The following FBXO34 variants were observed in gnomAD, a reference collection of about 807,000 sequenced individuals.
The protein encoded by FBXO34 is F-box protein 34.
Under a neutral mutation model 24.5 loss-of-function variants are expected in FBXO34, and 12 were observed. The observed-to-expected ratio is 0.49, with a 90% CI of 0.31 to 0.79. FBXO34 has a LOEUF of 0.79. FBXO34 is among the 30% of genes least tolerant of loss of function. The probability of loss-of-function intolerance (pLI) is 0.04; values close to 1 mark genes in which losing one functional copy is unlikely to be tolerated. For synonymous variants in FBXO34, 320 were observed against 311.9 expected, an observed-to-expected ratio of 1.03 and a Z score of -0.27; for missense variants, 823 against 857.7, an observed-to-expected ratio of 0.96 and a Z score of 0.51.
At chr14:55,395,973 T>G in the FBXO34 span, 1 of 1,589,966 alleles carries the variant, frequency 6.3e-7, no homozygotes. Context: ...CTTCCATAGC[T>G]TTTAACACTC....
the FBXO34 span, among the ~76,000 whole-genome samples, chr14:55,388,687 C>A: frequency 2.0e-5 from 3 of 152,190 alleles, no homozygotes; most frequent in Non-Finnish European, 4.4e-5. Context: ...TGTCATAATT[C>A]AACAACAACA....
At chr14:55,335,460 C>G (rs1316801280) in intron 1 of FBXO34, 1 of 152,070 alleles carries the variant, frequency 6.6e-6, no homozygotes, top group Non-Finnish European at 1.5e-5. Flanking sequence ...TGATCTGTGA[C>G]TTATATTTCT....
intron 1 of FBXO34, among the ~76,000 whole-genome samples, chr14:55,340,016 G>A (rs951291830): frequency 2.6e-5 from 4 of 152,166 alleles, no homozygotes; most frequent in African/African-American, 7.2e-5. Flanking sequence ...GCTGACAGAA[G>A]TCTTAACTTG....
intron 1 of FBXO34, among the ~76,000 whole-genome samples, chr14:55,340,475 G>A (rs1883956288): frequency 6.7e-6 from 1 of 148,280 alleles, no homozygotes; most frequent in African/African-American, 2.5e-5. Flanking sequence ...TCGAACTTTT[G>A]TGCTCAAGTG....
intron 1 of FBXO34, among the ~76,000 whole-genome samples, chr14:55,340,217 A>C (rs886833571): frequency 6.6e-6 from 1 of 151,956 alleles, no homozygotes; most frequent in African/African-American, 2.4e-5. Context: ...TGCTTGGTGC[A>C]CTAATACTTG....
chr14:55,437,004 T>C, the FBXO34 span: 23 of 1,613,992 alleles, frequency 1.4e-5, no homozygotes, highest in African/African-American at 2.9e-4. Context: ...GAGACCTGGG[T>C]GGGGCAAGGC....
rs1051860151 is a variant in FBXO34, at chr14:55,346,722, G to A, written c.-10-3659G>A. ...AGCTGGTGGTTGAAGAGGGAATTTGGCAATAAAAAGGCCATTTGACCTTCA... is the reference window on the plus strand; with the variant it reads ...AGCTGGTGGTTGAAGAGGGAATTTGACAATAAAAAGGCCATTTGACCTTCA... On this transcript the variant is annotated intron_variant, in intron 1 of 1. Transcript: ENST00000313833. Among the ~76,000 whole-genome samples, 7 of 152,100 alleles carry A rather than the reference G, an allele frequency of 4.6e-5. 1 individual carries two copies. The highest frequency in any genetic ancestry group is 1.7e-4 in the African/African-American group (7 of 41,410).
intron 1 of FBXO34, among the ~76,000 whole-genome samples, chr14:55,285,994 G>A (rs1436663081): frequency 6.6e-6 from 1 of 152,136 alleles, no homozygotes. Flanking sequence ...GTCAAAATTC[G>A]TTAGAATTGA....
chr14:55,330,937 T>C (rs1883512497), intron 1 of FBXO34, among the ~76,000 whole-genome samples: 1 of 152,244 alleles, frequency 6.6e-6, no homozygotes. Context: ...TGTTCACTTC[T>C]GTATCCCCAG....
At chr14:55,369,529 C>A, downstream of FBXO34, 1 of 1,221,950 alleles carries the variant, frequency 8.2e-7, no homozygotes, top group Non-Finnish European at 1.1e-6. Flanking sequence ...GTTCCAGACA[C>A]TATCTTAACT....
intron 1 of FBXO34, among the ~76,000 whole-genome samples, chr14:55,313,050 A>T (rs1163707997): frequency 2.0e-5 from 3 of 152,152 alleles, no homozygotes; most frequent in Non-Finnish European, 4.4e-5. Flanking sequence ...TCCTTTTTAA[A>T]CTTAAGTTCC....
the FBXO34 span, chr14:55,390,812 C>T: frequency 1.3e-6 from 1 of 794,942 alleles, no homozygotes; most frequent in Admixed American, 3.0e-5. Context: ...GCCACTGCCC[C>T]ACCATCCCCT....
intron 1 of FBXO34, among the ~76,000 whole-genome samples, chr14:55,338,366 T>G (rs1187280482): frequency 6.6e-6 from 1 of 151,978 alleles, no homozygotes; most frequent in Non-Finnish European, 1.5e-5. Context: ...ACTTCTTTTA[T>G]GGGTATTGTG....
chr14:55,371,609 A>ATC (rs1289841839), downstream of FBXO34, among the ~76,000 whole-genome samples: 3 of 151,988 alleles, frequency 2.0e-5, no homozygotes, highest in Non-Finnish European at 2.9e-5. Context: ...GATCGAGACC[A>ATC]TTGGCTAACA....
At chr14:55,276,810 G>A (rs10143136) in intron 1 of FBXO34, among the ~76,000 whole-genome samples, 45,898 of 152,030 alleles carry the variant, frequency 0.3, 7,231 homozygotes, top group Non-Finnish European at 0.34. Flanking sequence ...GGGGACTGCG[G>A]ATATAGCTTC....
intron 3 of FBXO34, among the ~76,000 whole-genome samples, chr14:55,359,916 CAAA>C (rs34051939): frequency 8.9e-4 from 85 of 95,152 alleles, no homozygotes; most frequent in East Asian, 1.0e-3. Context: ...CTTGTGCCTA[CAAA>C]AAAAAAAAAA....
chr14:55,352,241 A>G lies in FBXO34; in HGVS notation c.1851A>G (p.Ala617=), dbSNP rs745618901. 4 of 1,614,222 alleles carry G rather than the reference A, an allele frequency of 2.5e-6. No homozygotes were observed. The South Asian group carries it at 3.3e-5, about 13-fold the overall frequency. ...FIIEYYNIRP[A]DSRWVRDPRY... is the part of the protein sequence containing the mutation. ...TTGAGTACTACAATATCAGGCCAGCAGATTCTCGCTGGGTTCGAGATCCAC... is the reference window on the plus strand; with the variant it reads ...TTGAGTACTACAATATCAGGCCAGCGGATTCTCGCTGGGTTCGAGATCCAC... The change falls in exon 2 of 2, where the codon GCA becomes GCG. Residue 617 remains alanine (A), a synonymous_variant. Transcript: ENST00000313833.
chr14:55,298,639 G>T, intron 1 of FBXO34: 2 of 1,426,854 alleles, frequency 1.4e-6, no homozygotes, highest in South Asian at 2.5e-5. Flanking sequence ...CTGGCGCGGC[G>T]AGCGCTGTTC....
chr14:55,427,075 G>T, the FBXO34 span, among the ~76,000 whole-genome samples: 1 of 152,218 alleles, frequency 6.6e-6, no homozygotes, highest in Non-Finnish European at 1.5e-5. Flanking sequence ...CTGGAGGCTC[G>T]TGACTTGAGA....
Sources: gnomAD v4.1 joint callset for allele counts (sites outside exome capture counted in the v4.1 genomes callset) on GRCh38, gnomAD v4.1.1 for gene constraint, MANE v1.5 for transcripts, NCBI Gene and HGNC (gene_info 2026-07-23, HGNC 2026-07-21) for gene names.